Variants in TRPC4AP observed in about 807,000 individuals in gnomAD.
The protein encoded by TRPC4AP is transient receptor potential cation channel subfamily C member 4 associated protein, also known as short transient receptor potential channel 4-associated protein.
In TRPC4AP, 45 loss-of-function variants were observed where a neutral mutation model predicts 99.0. The observed-to-expected ratio is 0.45, with a 90% CI of 0.36 to 0.58. The LOEUF is 0.58. Ranked by LOEUF, TRPC4AP falls within the 20% of genes least tolerant of loss-of-function variation. TRPC4AP has a pLI of 0.00. For synonymous variants in TRPC4AP, 408 were observed against 385.8 expected (o/e 1.06, Z -0.67); for missense variants, 879 against 985.3 (o/e 0.89, Z 1.44).
intron 2 of TRPC4AP, 41 bp from the exon 3 acceptor site, chr20:35,069,453 C>G: frequency 8.1e-7 from 1 of 1,235,114 alleles, no homozygotes; most frequent in Non-Finnish European, 1.2e-6. Flanking sequence ...GTTTTAGTAA[C>G]CAACACAGAC....
At chr20:35,082,648 G>A (rs563615393) in intron 1 of TRPC4AP, among the ~76,000 whole-genome samples, 2 of 152,162 alleles carry the variant, frequency 1.3e-5, no homozygotes, top group South Asian at 2.1e-4. Context: ...GACGATGTAA[G>A]GGAAAAACCA....
chr20:35,079,941 G>A (rs2084587640), intron 1 of TRPC4AP, among the ~76,000 whole-genome samples: 1 of 147,824 alleles, frequency 6.8e-6, no homozygotes, highest in Non-Finnish European at 1.5e-5. Flanking sequence ...AAGATCACTT[G>A]AGCTTGGGAG....
intron 7 of TRPC4AP, among the ~76,000 whole-genome samples, chr20:35,037,960 C>T (rs1365312390): frequency 6.6e-6 from 1 of 151,780 alleles, no homozygotes; most frequent in Admixed American, 6.6e-5. Flanking sequence ...CACTGCATTT[C>T]TCAGAAGGAT....
intron 9 of TRPC4AP, 146 bp from the exon 10 acceptor site, chr20:35,016,285 G>C: frequency 1.1e-6 from 1 of 917,564 alleles, no homozygotes; most frequent in East Asian, 2.6e-5. Flanking sequence ...GAAAACATCC[G>C]TGTATCCCCT....
intron 6 of TRPC4AP, among the ~76,000 whole-genome samples, chr20:35,048,212 GT>G (rs1318734064): frequency 0.11 from 3,338 of 31,642 alleles, 72 homozygotes; most frequent in Middle Eastern, 0.15. Context: ...TAAGAATTCT[GT>G]TTTTTTTTTT....
chr20:35,066,136 G>A (rs555937251), intron 3 of TRPC4AP, among the ~76,000 whole-genome samples: 1 of 151,904 alleles, frequency 6.6e-6, no homozygotes, highest in South Asian at 2.1e-4. Flanking sequence ...ATGGGGTCTT[G>A]CTCTGTCACC....
At chr20:35,076,111 G>C (rs1170386546) in intron 2 of TRPC4AP, among the ~76,000 whole-genome samples, 2 of 152,152 alleles carry the variant, frequency 1.3e-5, no homozygotes, top group Non-Finnish European at 2.9e-5. Context: ...AGCTCCATCA[G>C]GTCATTTAAG....
At chr20:35,043,146 A>T (rs2083478123) in intron 7 of TRPC4AP, among the ~76,000 whole-genome samples, 1 of 152,150 alleles carries the variant, frequency 6.6e-6, no homozygotes, top group African/African-American at 2.4e-5. Context: ...AAAGCTACAC[A>T]ATTTTCCATT....
intron 12 of TRPC4AP, among the ~76,000 whole-genome samples, chr20:35,009,038 T>C (rs973281402): frequency 6.6e-6 from 1 of 152,130 alleles, no homozygotes; most frequent in African/African-American, 2.4e-5. Context: ...ATACCAAAAG[T>C]GTGTTGAAAC....
At position 35,003,029 on chromosome 20, in the gene TRPC4AP, C is replaced by T. The variant is rs2082426160; in HGVS notation, c.*117G>A. 4 of 1,453,712 alleles carry T rather than the reference C, an allele frequency of 2.8e-6. No individual in the cohort carries two copies. The Admixed American group carries it at 7.6e-5, about 28-fold the overall frequency. The allele number at this position is 1,453,712 out of a possible 1,614,324, so 90.1% of individuals were successfully genotyped here. A position where few individuals can be genotyped will look rare whatever the true frequency, so the allele number is the denominator to read the frequency against. On this transcript the variant is annotated 3_prime_UTR_variant, in exon 19 of 19. Transcript: ENST00000252015. Reference sequence around the variant, plus strand: ...ACTTCCCTCCCACCAAGCCTGTACCCAAAGACCTGGGGCAGGCAGAGAGCA... The same window carrying T: ...ACTTCCCTCCCACCAAGCCTGTACCTAAAGACCTGGGGCAGGCAGAGAGCA...
chr20:35,054,906 A>C, intron 5 of TRPC4AP, 70 bp downstream of exon 5: 1 of 1,356,422 alleles, frequency 7.4e-7, no homozygotes. Context: ...TTCTACTCGA[A>C]TATTCCCATC....
intron 8 of TRPC4AP, among the ~76,000 whole-genome samples, chr20:35,026,369 G>A (rs1480196128): frequency 6.6e-6 from 1 of 151,984 alleles, no homozygotes. Flanking sequence ...TGGGTGTCAC[G>A]AGGCTTGCCT....
chr20:35,074,742 TTC>T (rs1260437569), intron 2 of TRPC4AP, among the ~76,000 whole-genome samples: 2 of 152,226 alleles, frequency 1.3e-5, no homozygotes, highest in Non-Finnish European at 1.5e-5. Flanking sequence ...AGAATGTATA[TTC>T]TGTTGATTTG....
intron 14 of TRPC4AP, 23 bp downstream of exon 14, chr20:35,007,527 A>AC (rs1423813061): frequency 6.2e-7 from 1 of 1,612,976 alleles, no homozygotes; most frequent in Non-Finnish European, 8.5e-7. Context: ...GGAACCCAAG[A>AC]CACTGGCTGC....
chr20:35,003,844 G>A (rs1477565296), intron 17 of TRPC4AP, among the ~76,000 whole-genome samples: 1 of 152,204 alleles, frequency 6.6e-6, no homozygotes. Context: ...CACCCCACCT[G>A]AGGCAACAAC....
intron 1 of TRPC4AP, among the ~76,000 whole-genome samples, chr20:35,086,646 G>A (rs576018387): frequency 4.6e-5 from 7 of 151,200 alleles, no homozygotes; most frequent in African/African-American, 7.3e-5. Context: ...GAAAAGCCAG[G>A]TAAGATTTGT....
chr20:35,035,378 C>T, intron 7 of TRPC4AP, 70 bp from the exon 8 acceptor site: 1 of 1,473,918 alleles, frequency 6.8e-7, no homozygotes, highest in Non-Finnish European at 9.2e-7. Context: ...AAAGCCCTAA[C>T]AAACAATCTG....
Position 35,003,302 on chromosome 20 carries a change from G to A in TRPC4AP, c.2257-19C>T. 6.2e-7 allele frequency: 1 copy of A among 1,612,212 alleles called. No homozygotes were observed. Among genetic ancestry groups the A allele is most frequent in the Non-Finnish European group, 8.5e-7 (1 of 1,179,160 alleles). ...AGGAGCTCTGGGCAAAGAGGGAGGG[G>A]CTGGGGGGCGCCTGGAGGACCCAGG... is the stretch of plus-strand genomic sequence containing the variant. On this transcript the variant is annotated intron_variant, in intron 18 of 18. Coordinates refer to ENST00000252015, the MANE Select transcript of TRPC4AP (RefSeq NM_015638.3).
chr20:35,022,595 A>T (rs911786701), intron 8 of TRPC4AP, among the ~76,000 whole-genome samples: 13 of 152,158 alleles, frequency 8.5e-5, no homozygotes, highest in Admixed American at 8.5e-4. Context: ...TCAAGTTCCT[A>T]CAGGAACTGC....
Sources: allele counts gnomAD v4.1 joint callset (sites outside exome capture counted in the v4.1 genomes callset), GRCh38; gene constraint gnomAD v4.1.1; transcripts MANE v1.5; gene names NCBI Gene and HGNC (gene_info 2026-07-23, HGNC 2026-07-21).